SIPA1L3: variants seen among roughly 807,000 people sequenced by gnomAD.
The protein encoded by SIPA1L3 is signal induced proliferation associated 1 like 3, also known as signal-induced proliferation-associated 1-like protein 3.
Under a neutral mutation model 150.1 loss-of-function variants are expected in SIPA1L3, and 59 were observed. The observed-to-expected ratio is 0.39, with a 90% CI of 0.32 to 0.49. The LOEUF is 0.49. Ranked by LOEUF, SIPA1L3 falls within the 20% of genes least tolerant of loss-of-function variation. SIPA1L3 has a pLI of 0.86. For synonymous variants in SIPA1L3, 1,070 were observed against 1,077.6 expected (o/e 0.99, Z 0.14); for missense variants, 2,211 against 2,489.5 (o/e 0.89, Z 2.38).
At chr19:38,111,492 C>G (rs1447886118) in intron 8 of SIPA1L3, among the ~76,000 whole-genome samples, 1 of 152,140 alleles carries the variant, frequency 6.6e-6, no homozygotes, top group Non-Finnish European at 1.5e-5. Context: ...GCGCCTGAGT[C>G]CAAGCATACA....
chr19:38,151,047 C>G (rs911145654), intron 12 of SIPA1L3, among the ~76,000 whole-genome samples: 5 of 152,210 alleles, frequency 3.3e-5, no homozygotes, highest in Admixed American at 3.3e-4. Flanking sequence ...CAGATTCCTT[C>G]TGCCTCCTCT....
At chr19:37,930,396 C>G (rs942293057) in intron 1 of SIPA1L3, among the ~76,000 whole-genome samples, 2 of 150,928 alleles carry the variant, frequency 1.3e-5, no homozygotes, top group South Asian at 4.2e-4. Context: ...GGGGCTCAAG[C>G]GATCCTCCCA....
intron 1 of SIPA1L3, among the ~76,000 whole-genome samples, chr19:37,996,992 C>T (rs833899): frequency 1.0e-3 from 157 of 151,950 alleles, no homozygotes; most frequent in African/African-American, 1.9e-3. Context: ...CCACCGTGCC[C>T]GGCCAATCCT....
In SIPA1L3 at chr19:38,203,580, C is replaced by T. The variant is rs192438722; in HGVS notation, c.5121-547C>T. 901 of 152,836 alleles carry T rather than the reference C, an allele frequency of 5.9e-3. 6 individuals carry two copies. The highest frequency in any genetic ancestry group is 6.8e-3 in the Non-Finnish European group (466 of 68,400). 9.5% of individuals were successfully genotyped at this position (152,836 alleles called of 1,614,324 possible). A position where few individuals can be genotyped will look rare whatever the true frequency, so the allele number is the denominator to read the frequency against. On this transcript the variant is annotated intron_variant, in intron 20 of 21. Coordinates refer to ENST00000222345, the MANE Select transcript of SIPA1L3 (RefSeq NM_015073.3). ...AGCACGTGGTAGCCATGCAGCACCT[C>T]CAAAGGCCACAGTGGGCAGAGGAGC...
chr19:38,036,826 G>A (rs855611), intron 2 of SIPA1L3, among the ~76,000 whole-genome samples: 1 of 151,972 alleles, frequency 6.6e-6, no homozygotes, highest in African/African-American at 2.4e-5. Flanking sequence ...CCCCCCACTC[G>A]CCCCATCCCG....
chr19:38,099,869 C>T, intron 4 of SIPA1L3, 93 bp from the exon 5 acceptor site: 1 of 1,084,164 alleles, frequency 9.2e-7, no homozygotes, highest in South Asian at 1.6e-5. Context: ...AATCATCACA[C>T]ATGTCTCTTT....
intron 2 of SIPA1L3, among the ~76,000 whole-genome samples, chr19:38,056,780 G>C (rs1382312737): frequency 6.6e-6 from 1 of 152,152 alleles, no homozygotes; most frequent in Non-Finnish European, 1.5e-5. Context: ...AATATGGAAA[G>C]GGGCCAGGCG....
At chr19:37,922,398 T>C (rs1418300764) in intron 1 of SIPA1L3, among the ~76,000 whole-genome samples, 4 of 150,376 alleles carry the variant, frequency 2.7e-5, no homozygotes, top group African/African-American at 7.3e-5. Flanking sequence ...TTGATTTTTA[T>C]TTTATTTTAT....
chr19:38,054,012 G>T (rs1366329559), intron 2 of SIPA1L3, among the ~76,000 whole-genome samples: 1 of 152,112 alleles, frequency 6.6e-6, no homozygotes, highest in East Asian at 1.9e-4. Flanking sequence ...CCTGTCCAAG[G>T]TCACACGGCA....
chr19:37,984,715 G>T (rs753087314), intron 1 of SIPA1L3, among the ~76,000 whole-genome samples: 4 of 152,168 alleles, frequency 2.6e-5, no homozygotes, highest in African/African-American at 9.7e-5. Flanking sequence ...TGTTAGCTGC[G>T]TTACTGTTGG....
intron 1 of SIPA1L3, among the ~76,000 whole-genome samples, chr19:37,977,320 A>G (rs1967099895): frequency 1.3e-5 from 2 of 150,800 alleles, no homozygotes; most frequent in Admixed American, 6.6e-5. Flanking sequence ...ACGCACCACC[A>G]TGCCCGGCTA....
chr19:38,162,718 G>C (rs1183818388), intron 14 of SIPA1L3, among the ~76,000 whole-genome samples: 2 of 152,366 alleles, frequency 1.3e-5, no homozygotes, highest in East Asian at 3.9e-4. Context: ...TATTCAGTGA[G>C]CATCTACCCG....
intron 2 of SIPA1L3, among the ~76,000 whole-genome samples, chr19:38,044,392 G>A (rs1235496699): frequency 1.3e-5 from 2 of 152,210 alleles, no homozygotes; most frequent in South Asian, 2.1e-4. Context: ...GGATGGGGAA[G>A]AGCGAAGCTG....
chr19:38,082,754 C>T lies in SIPA1L3; in HGVS notation c.1189C>T (p.Pro397Ser), dbSNP rs958039562. Reference protein sequence around the residue: ...SRAHSLGGLDPAFTSTEDLNC... With the variant: ...SRAHSLGGLDSAFTSTEDLNC... ...GGCCCACAGCCTCGGAGGCCTGGAC[C>T]CGGCCTTCACCAGCACAGAGGACCT... is the stretch of plus-strand genomic sequence containing the variant. The change falls in exon 3 of 22, where the codon CCG (proline) becomes TCG (serine). Residue 397 changes from proline (P) to serine (S), a missense_variant. By Grantham distance (74) the Pro-to-Ser change is moderately conservative (BLOSUM62 -1). Coordinates refer to ENST00000222345, the MANE Select transcript of SIPA1L3 (RefSeq NM_015073.3). 6.2e-7 allele frequency: 1 copy of T among 1,612,864 alleles called. No homozygotes were observed. The highest frequency in any genetic ancestry group is 1.3e-5 in the African/African-American group (1 of 74,934).
chr19:38,162,373 T>C lies in SIPA1L3; in HGVS notation c.3780+2T>C. On this transcript the variant is annotated splice_donor_variant, in intron 14 of 21. Coordinates refer to ENST00000222345, the MANE Select transcript of SIPA1L3 (RefSeq NM_015073.3). LOFTEE classifies it high-confidence loss of function. ...GATTCCCCCAACAGGCATTCCAAAG[T>C]GAGTCTGGGCCCCACCCTGCCCTAC... 1 of 1,611,478 alleles carries C rather than the reference T, an allele frequency of 6.2e-7. No homozygotes were observed. Among genetic ancestry groups the C allele is most frequent in the Non-Finnish European group, 8.5e-7 (1 of 1,177,626 alleles).
intron 1 of SIPA1L3, among the ~76,000 whole-genome samples, chr19:37,937,917 C>T (rs886409566): frequency 8.6e-5 from 13 of 150,310 alleles, no homozygotes; most frequent in Admixed American, 8.0e-4. Context: ...TGTGGTGGTG[C>T]GCACCTGTAG....
At chr19:38,118,158 A>G (rs1970932384) in intron 8 of SIPA1L3, among the ~76,000 whole-genome samples, 1 of 152,376 alleles carries the variant, frequency 6.6e-6, no homozygotes, top group South Asian at 2.1e-4. Flanking sequence ...CAAAAGAACT[A>G]AAACTCATAA....
intron 1 of SIPA1L3, chr19:37,932,294 G>C (rs1303179778): frequency 6.6e-6 from 1 of 152,284 alleles, no homozygotes; most frequent in Non-Finnish European, 1.5e-5. Flanking sequence ...TTACCTTTGA[G>C]CTTTCTTTCA....
chr19:38,144,975 C>T (rs1045904339), intron 12 of SIPA1L3, among the ~76,000 whole-genome samples: 1 of 152,102 alleles, frequency 6.6e-6, no homozygotes, highest in Non-Finnish European at 1.5e-5. Context: ...AAGCAGGATG[C>T]TGTGAAACAC....
Sources: allele counts gnomAD v4.1 joint callset (sites outside exome capture counted in the v4.1 genomes callset), GRCh38; gene constraint gnomAD v4.1.1; transcripts MANE v1.5; gene names NCBI Gene and HGNC (gene_info 2026-07-23, HGNC 2026-07-21).